Variants in TTLL11 observed in about 807,000 individuals in gnomAD.
TTLL11 encodes the protein tubulin tyrosine ligase like 11.
TTLL11 carries 42 observed loss-of-function variants against 51.7 expected under a neutral mutation model. The ratio of observed to expected loss-of-function variants is 0.81; its 90% CI spans 0.64 to 1.05. The LOEUF (loss-of-function observed/expected upper bound fraction) is 1.05, where lower values mean the gene tolerates loss of function less well. TTLL11 is among the 50% of genes least tolerant of loss of function. The pLI is 0.00. For synonymous variants in TTLL11, 381 were observed against 383.5 expected, an observed-to-expected ratio of 0.99 and a Z score of 0.08; for missense variants, 799 against 940.4, an observed-to-expected ratio of 0.85 and a Z score of 1.97.
chr9:122,064,500 C>G (rs1201944373), intron 1 of TTLL11, among the ~76,000 whole-genome samples: 1 of 152,218 alleles, frequency 6.6e-6, no homozygotes, highest in Non-Finnish European at 1.5e-5. Flanking sequence ...TGCTCTCATG[C>G]TCAGTATTTT....
chr9:122,044,518 C>T (rs926125288), intron 1 of TTLL11, among the ~76,000 whole-genome samples: 2 of 152,174 alleles, frequency 1.3e-5, no homozygotes, highest in Admixed American at 6.5e-5. Flanking sequence ...TCTCTAGCAC[C>T]GGTTGTTTCC....
intron 1 of TTLL11, among the ~76,000 whole-genome samples, chr9:122,077,812 A>G (rs1034657977): frequency 2.7e-5 from 4 of 148,186 alleles, no homozygotes; most frequent in African/African-American, 1.0e-4. Context: ...ACCATGTATT[A>G]GACCATAAAG....
At chr9:122,026,487 C>G (rs143199780) in intron 3 of TTLL11, among the ~76,000 whole-genome samples, 1 of 150,108 alleles carries the variant, frequency 6.7e-6, no homozygotes, top group Non-Finnish European at 1.5e-5. Flanking sequence ...CAAAGGGACA[C>G]GAGGAAAAAT....
At chr9:121,861,652 C>T (rs372731254) in intron 7 of TTLL11, among the ~76,000 whole-genome samples, 299 of 152,240 alleles carry the variant, frequency 2.0e-3, no homozygotes, top group African/African-American at 6.9e-3. Flanking sequence ...GCTAGGCCCT[C>T]GGCACTGCCC....
Position 121,939,961 on chromosome 9 carries a change from C to T in TTLL11, c.1481+34048G>A, listed in dbSNP as rs114923245. Among the ~76,000 whole-genome samples the T allele has an allele frequency of 4.2e-3, 645 of 152,108 alleles. 2 individuals are homozygous for T. Among genetic ancestry groups the T allele is most frequent in the African/African-American group, 0.015 (613 of 41,494 alleles). Reference sequence around the variant, plus strand: ...GAGGCTGGGGGAGGGCTGGTGAGGACGAGAGGTGAGTGAATCTCTTGTACT... The same window carrying T: ...GAGGCTGGGGGAGGGCTGGTGAGGATGAGAGGTGAGTGAATCTCTTGTACT... On this transcript the variant is annotated intron_variant, in intron 6 of 8. Coordinates refer to ENST00000321582, the MANE Select transcript of TTLL11 (RefSeq NM_001139442.2).
intron 7 of TTLL11, among the ~76,000 whole-genome samples, chr9:121,860,871 G>A (rs979311651): frequency 3.9e-5 from 6 of 152,124 alleles, no homozygotes; most frequent in African/African-American, 9.7e-5. Context: ...AGCCTGAACC[G>A]ACTGACATTG....
intron 1 of TTLL11, among the ~76,000 whole-genome samples, chr9:122,042,564 C>A (rs746076577): frequency 6.6e-5 from 10 of 152,170 alleles, no homozygotes; most frequent in African/African-American, 2.4e-4. Flanking sequence ...GCAATTAGTT[C>A]TCCTCGGTAT....
At chr9:121,826,450 AC>A (rs1836776224) in intron 8 of TTLL11, among the ~76,000 whole-genome samples, 1 of 113,224 alleles carries the variant, frequency 8.8e-6, no homozygotes, top group Non-Finnish European at 1.9e-5. Context: ...TATGGGTAAA[AC>A]CATATATATA....
chr9:121,952,933 T>C (rs1214200837), intron 6 of TTLL11, among the ~76,000 whole-genome samples: 2 of 152,192 alleles, frequency 1.3e-5, no homozygotes, highest in East Asian at 1.9e-4. Context: ...TATTTCTTTA[T>C]CTTATTCTCA....
rs1836580348 is a variant in TTLL11, at chr9:121,821,628, G to A, written c.*959C>T. Among the ~76,000 whole-genome samples the A allele has an allele frequency of 6.6e-6, 1 of 152,178 alleles. No homozygotes were observed. The highest frequency in any genetic ancestry group is 3.4e-3 in the Middle Eastern group (1 of 294). ...GGGGGGCTACCTGGGGATACAGATG[G>A]AGACAAGGAAAGGGTCTCATGGAAG... On this transcript the variant is annotated 3_prime_UTR_variant, in exon 9 of 9. Coordinates refer to ENST00000321582, the MANE Select transcript of TTLL11 (RefSeq NM_001139442.2). This position sits in a 1 kb window ranked among gnomAD's most constrained non-coding sequence, Gnocchi z 5.0.
chr9:122,034,419 A>C (rs2131814611), intron 2 of TTLL11, among the ~76,000 whole-genome samples: 1 of 152,328 alleles, frequency 6.6e-6, no homozygotes, highest in East Asian at 1.9e-4. Context: ...TTTCTACTGA[A>C]AATGGCCAAC....
chr9:121,912,584 A>C (rs945795107), intron 6 of TTLL11, among the ~76,000 whole-genome samples: 2 of 151,974 alleles, frequency 1.3e-5, no homozygotes, highest in African/African-American at 4.8e-5. Flanking sequence ...CCTTATATAC[A>C]CATCCACTGT....
At chr9:121,923,828 AT>A (rs1220241095) in intron 6 of TTLL11, among the ~76,000 whole-genome samples, 2 of 151,950 alleles carry the variant, frequency 1.3e-5, no homozygotes, top group Non-Finnish European at 2.9e-5. Flanking sequence ...TTTTAACTGC[AT>A]TTGCTTTTGT....
intron 6 of TTLL11, among the ~76,000 whole-genome samples, chr9:121,918,784 A>T (rs763839725): frequency 6.6e-6 from 1 of 152,264 alleles, no homozygotes; most frequent in Non-Finnish European, 1.5e-5. Context: ...CCACACAACA[A>T]TGAAAATGAA....
At chr9:122,052,066 G>C (rs781411480) in intron 1 of TTLL11, among the ~76,000 whole-genome samples, 15 of 152,146 alleles carry the variant, frequency 9.9e-5, no homozygotes, top group Non-Finnish European at 2.2e-4. Flanking sequence ...AGCAGACTAA[G>C]AAAATACTGG....
At position 122,009,032 on chromosome 9, in the gene TTLL11, A is replaced by G. The variant is rs577540567; in HGVS notation, c.694-19262T>C. ...AATAGAATGAGGGTTACCAGGGGCT[A>G]GGGGCATTGGGGAGCTATTTGTCAA... On this transcript the variant is annotated intron_variant, in intron 3 of 8. Coordinates refer to ENST00000321582, the MANE Select transcript of TTLL11 (RefSeq NM_001139442.2). 3.3e-3 allele frequency among the ~76,000 whole-genome samples: 503 copies of G among 152,326 alleles called. 1 individual carries two copies. The highest frequency in any genetic ancestry group is 5.3e-3 in the Non-Finnish European group (358 of 68,020).
intron 6 of TTLL11, among the ~76,000 whole-genome samples, chr9:121,903,931 G>A (rs949525262): frequency 1.3e-5 from 2 of 152,110 alleles, no homozygotes; most frequent in Non-Finnish European, 2.9e-5. Flanking sequence ...TTTATAGCTG[G>A]GAGTTTGCAG....
intron 6 of TTLL11, among the ~76,000 whole-genome samples, chr9:121,935,752 T>G (rs1235009332): frequency 2.0e-5 from 3 of 152,058 alleles, no homozygotes; most frequent in Non-Finnish European, 2.9e-5. Flanking sequence ...TCTTTAGGAG[T>G]TGAACTCAAG....
At chr9:121,861,978 G>C (rs1180297720) in intron 7 of TTLL11, among the ~76,000 whole-genome samples, 4 of 152,192 alleles carry the variant, frequency 2.6e-5, no homozygotes, top group Admixed American at 2.6e-4. Flanking sequence ...TGCTGGGGAG[G>C]TTCCTTGTTC....
Sources: gnomAD v4.1 joint callset for allele counts (sites outside exome capture counted in the v4.1 genomes callset) on GRCh38, gnomAD v4.1.1 for gene constraint, Gnocchi (gnomAD v3.1) non-coding constraint, MANE v1.5 for transcripts, NCBI Gene and HGNC (gene_info 2026-07-23, HGNC 2026-07-21) for gene names.